GPC6: variants seen among roughly 807,000 people sequenced by gnomAD.
GPC6 encodes glypican 6.
Under a neutral mutation model 55.2 loss-of-function variants are expected in GPC6, and 14 were observed. That is an observed-to-expected ratio of 0.25 (90% CI 0.17 to 0.40). The LOEUF (loss-of-function observed/expected upper bound fraction) is 0.40, where lower values mean the gene tolerates loss of function less well. GPC6 is among the 10% of genes least tolerant of loss of function. The pLI is 1.00. For synonymous variants in GPC6, 278 were observed against 259.6 expected, an observed-to-expected ratio of 1.07 and a Z score of -0.68; for missense variants, 641 against 708.5, an observed-to-expected ratio of 0.90 and a Z score of 1.08.
chr13:93,418,304 T>G (rs181480829), intron 1 of GPC6, among the ~76,000 whole-genome samples: 89 of 151,716 alleles, frequency 5.9e-4, no homozygotes, highest in African/African-American at 1.9e-3. Context: ...ATACTTTTAG[T>G]TATTTTAAAA....
At chr13:93,952,810 C>T (rs1594615843) in intron 3 of GPC6, among the ~76,000 whole-genome samples, 1 of 144,934 alleles carries the variant, frequency 6.9e-6, no homozygotes, top group African/African-American at 2.6e-5. Flanking sequence ...TATAGGTATA[C>T]ACACACACAC....
chr13:93,761,643 T>G (rs1371546534), intron 2 of GPC6, among the ~76,000 whole-genome samples: 1 of 152,136 alleles, frequency 6.6e-6, no homozygotes, highest in African/African-American at 2.4e-5. Context: ...CAGCTAGGAC[T>G]ACAGGCATGC....
At chr13:93,451,001 A>T (rs1878204827) in intron 1 of GPC6, among the ~76,000 whole-genome samples, 1 of 152,232 alleles carries the variant, frequency 6.6e-6, no homozygotes, top group African/African-American at 2.4e-5. Context: ...GGTGGTCTAT[A>T]ACAGGATAAT....
chr13:94,300,970 C>G (rs1875617582), intron 5 of GPC6, among the ~76,000 whole-genome samples: 1 of 152,168 alleles, frequency 6.6e-6, no homozygotes, highest in African/African-American at 2.4e-5. Context: ...TGAATCACGT[C>G]TCTCCTTGGC....
intron 4 of GPC6, among the ~76,000 whole-genome samples, chr13:94,273,974 T>C (rs543412802): frequency 2.6e-5 from 4 of 152,354 alleles, no homozygotes; most frequent in African/African-American, 7.2e-5. Flanking sequence ...TGGTAGTATA[T>C]ACTTTGATGT....
At chr13:93,931,661 G>A (rs1594598190) in intron 3 of GPC6, among the ~76,000 whole-genome samples, 1 of 151,598 alleles carries the variant, frequency 6.6e-6, no homozygotes, top group East Asian at 2.0e-4. Context: ...CTAGTCAGAA[G>A]GCTGAGGCGG....
intron 3 of GPC6, among the ~76,000 whole-genome samples, chr13:93,912,764 A>G (rs9561469): frequency 0.49 from 73,963 of 151,910 alleles, 19,780 homozygotes; most frequent in Non-Finnish European, 0.61. Context: ...AACAAAACAA[A>G]ACAAGACAAA....
At chr13:93,666,126 A>C (rs1246112391) in intron 2 of GPC6, among the ~76,000 whole-genome samples, 7 of 152,166 alleles carry the variant, frequency 4.6e-5, no homozygotes, top group Admixed American at 6.5e-5. Flanking sequence ...CTTACTGAAT[A>C]CATGTGGATT....
chr13:93,379,984 G>T (rs1875090988), intron 1 of GPC6, among the ~76,000 whole-genome samples: 1 of 148,012 alleles, frequency 6.8e-6, no homozygotes, highest in South Asian at 2.1e-4. Context: ...AAAGAGCCCT[G>T]CAAGTTTCTC....
intron 3 of GPC6, among the ~76,000 whole-genome samples, chr13:93,853,991 G>T (rs1888511217): frequency 6.6e-6 from 1 of 151,638 alleles, no homozygotes; most frequent in African/African-American, 2.4e-5. Flanking sequence ...CATGGTGGAA[G>T]TATCATTATC....
intron 4 of GPC6, among the ~76,000 whole-genome samples, chr13:94,142,642 G>T (rs896514738): frequency 2.6e-5 from 4 of 152,016 alleles, no homozygotes; most frequent in Non-Finnish European, 5.9e-5. Flanking sequence ...AGCCTTCTTT[G>T]AGTTATTGAA....
At chr13:94,264,355 G>A (rs928903829) in intron 4 of GPC6, among the ~76,000 whole-genome samples, 1 of 152,196 alleles carries the variant, frequency 6.6e-6, no homozygotes, top group African/African-American at 2.4e-5. Flanking sequence ...GATGTGACAA[G>A]GTCAGAAGTT....
At chr13:93,445,336 C>T (rs1877962943) in intron 1 of GPC6, among the ~76,000 whole-genome samples, 1 of 152,142 alleles carries the variant, frequency 6.6e-6, no homozygotes, top group Non-Finnish European at 1.5e-5. Context: ...GGATGAAGAG[C>T]ATATCCTACT....
intron 4 of GPC6, among the ~76,000 whole-genome samples, chr13:94,089,792 T>C (rs1279272347): frequency 1.3e-5 from 2 of 152,134 alleles, no homozygotes; most frequent in African/African-American, 4.8e-5. Context: ...CGCCGGTGCA[T>C]GTCCCTGAAT....
intron 2 of GPC6, among the ~76,000 whole-genome samples, chr13:93,802,525 G>A (rs1886407925): frequency 6.6e-6 from 1 of 151,862 alleles, no homozygotes; most frequent in Non-Finnish European, 1.5e-5. Flanking sequence ...AGCCTCCCAA[G>A]TAGCTAGGAT....
At chr13:93,849,503 T>C (rs994843221) in intron 3 of GPC6, among the ~76,000 whole-genome samples, 7 of 152,118 alleles carry the variant, frequency 4.6e-5, no homozygotes, top group Admixed American at 1.3e-4. Context: ...CATCTCCCTC[T>C]AGCTCTCACC....
At chr13:94,389,792 T>A (rs1186737348) in intron 7 of GPC6, among the ~76,000 whole-genome samples, 1 of 152,174 alleles carries the variant, frequency 6.6e-6, no homozygotes, top group Non-Finnish European at 1.5e-5. Flanking sequence ...TCCAGACTCC[T>A]CCCTCTCCCC....
chr13:93,839,173 TTG>T (rs1278748086), intron 3 of GPC6, among the ~76,000 whole-genome samples: 1 of 152,084 alleles, frequency 6.6e-6, no homozygotes, highest in Non-Finnish European at 1.5e-5. Context: ...CAAGCGCAGG[TTG>T]ACTTGAGTGG....
intron 4 of GPC6, among the ~76,000 whole-genome samples, chr13:94,208,628 C>G (rs1465842187): frequency 6.6e-6 from 1 of 151,768 alleles, no homozygotes; most frequent in Non-Finnish European, 1.5e-5. Flanking sequence ...TCTCCTTTTC[C>G]TTTTGCTTTA....
Sources: gnomAD v4.1 joint callset for allele counts (sites outside exome capture counted in the v4.1 genomes callset) on GRCh38, gnomAD v4.1.1 for gene constraint, MANE v1.5 for transcripts, NCBI Gene and HGNC (gene_info 2026-07-23, HGNC 2026-07-21) for gene names.